PI4K2B: variants seen among roughly 807,000 people sequenced by gnomAD.
PI4K2B encodes the protein phosphatidylinositol 4-kinase type 2 beta.
In PI4K2B, 46 loss-of-function variants were observed where a neutral mutation model predicts 56.6. That is an observed-to-expected ratio of 0.81 (90% CI 0.64 to 1.04). PI4K2B has a LOEUF of 1.04. Among genes scored for constraint, PI4K2B ranks in the 50% least tolerant of loss-of-function variants. The pLI, the probability that PI4K2B is intolerant of heterozygous loss-of-function variation, is 0.00. For missense variants in PI4K2B, 556 were observed against 607.7 expected, an observed-to-expected ratio of 0.91 and a Z score of 0.89; for synonymous variants, 211 against 223.8, an observed-to-expected ratio of 0.94 and a Z score of 0.51.
chr4:25,236,077 C>CT (rs1348468974), intron 1 of PI4K2B, among the ~76,000 whole-genome samples: 4 of 152,152 alleles, frequency 2.6e-5, no homozygotes, highest in African/African-American at 7.2e-5. Context: ...GAATTCCTAC[C>CT]TTTTTTAAAG....
intron 1 of PI4K2B, among the ~76,000 whole-genome samples, chr4:25,245,427 G>A (rs1007991313): frequency 7.9e-5 from 12 of 152,130 alleles, no homozygotes; most frequent in African/African-American, 2.2e-4. Context: ...GGAGAGTTCC[G>A]CTCATGGCCG....
At chr4:25,255,671 C>G (rs990275765) in intron 3 of PI4K2B, among the ~76,000 whole-genome samples, 1 of 152,204 alleles carries the variant, frequency 6.6e-6, no homozygotes, top group African/African-American at 2.4e-5. Flanking sequence ...CTGTGTTGCC[C>G]AGACTGGCCT....
intron 7 of PI4K2B, among the ~76,000 whole-genome samples, chr4:25,268,205 C>G (rs1716736065): frequency 1.3e-5 from 2 of 152,190 alleles, no homozygotes; most frequent in Admixed American, 6.5e-5. Flanking sequence ...GAGATAGATT[C>G]ATTATCTAAA....
At chr4:25,249,864 C>T (rs955541043) in intron 1 of PI4K2B, among the ~76,000 whole-genome samples, 1 of 152,176 alleles carries the variant, frequency 6.6e-6, no homozygotes. Flanking sequence ...GAGGCCAAGG[C>T]AAGTGGCTGG....
At chr4:25,245,913 A>C (rs916716602) in intron 1 of PI4K2B, among the ~76,000 whole-genome samples, 3 of 152,048 alleles carry the variant, frequency 2.0e-5, no homozygotes, top group African/African-American at 7.2e-5. Context: ...GGGTCATCAA[A>C]ATGTGTCCGG....
At chr4:25,274,561 T>C (rs1717029121) in intron 9 of PI4K2B, among the ~76,000 whole-genome samples, 1 of 152,166 alleles carries the variant, frequency 6.6e-6, no homozygotes, top group African/African-American at 2.4e-5. Context: ...TTCATGTGGC[T>C]GCTTCTAGAA....
Position 25,241,391 on chromosome 4 carries a change from T to C in PI4K2B, c.268+6960T>C, listed in dbSNP as rs572959644. Among the ~76,000 whole-genome samples, 204 of 152,346 alleles carry C rather than the reference T, an allele frequency of 1.3e-3. 3 individuals carry two copies. Among genetic ancestry groups the C allele is most frequent in the Admixed American group, 2.7e-3 (41 of 15,302 alleles). On this transcript the variant is annotated intron_variant, in intron 1 of 9. Transcript: ENST00000264864. ...GTATATAGGTTAAGGTCAGGATTAG[T>C]TAAGGGGACTTCTAAGAGATCATCT...
chr4:25,234,748 T>G (rs1177794908), intron 1 of PI4K2B, among the ~76,000 whole-genome samples: 2 of 152,232 alleles, frequency 1.3e-5, no homozygotes, highest in Non-Finnish European at 2.9e-5. Context: ...ATGACGTAAG[T>G]CCTTGCTCAA....
At chr4:25,237,328 T>C (rs1326234778) in intron 1 of PI4K2B, among the ~76,000 whole-genome samples, 3 of 138,008 alleles carry the variant, frequency 2.2e-5, no homozygotes, top group African/African-American at 8.3e-5. Context: ...CCCTGTGATG[T>C]GAGTACTATT....
chr4:25,255,386 C>T (rs1716225749), intron 3 of PI4K2B, 121 bp downstream of exon 3: 1 of 773,350 alleles, frequency 1.3e-6, no homozygotes, highest in Non-Finnish European at 2.1e-6. Flanking sequence ...GGTAGTAGTC[C>T]AAGAGTCATG....
intron 1 of PI4K2B, among the ~76,000 whole-genome samples, chr4:25,249,049 C>G (rs1416864169): frequency 6.6e-6 from 1 of 152,144 alleles, no homozygotes; most frequent in Admixed American, 6.5e-5. Flanking sequence ...ATCTGTTTAA[C>G]AAAGCACATC....
rs574721000 is a variant in PI4K2B, at chr4:25,263,846, G to A, written c.1075G>A (p.Ala359Thr). The A allele has an allele frequency of 4.2e-5, 57 of 1,370,126 alleles. No individual in the cohort carries two copies. In the South Asian group the frequency reaches 5.1e-4, roughly 12 times the overall value. 84.9% of individuals were successfully genotyped at this position (1,370,126 alleles called of 1,614,324 possible). Reference sequence around the variant, plus strand: ...TTTTAAACATCCTGATGAATGGAGAGCATGTGAGTATTTAGAACCTTCTGT... The same window carrying A: ...TTTTAAACATCCTGATGAATGGAGAACATGTGAGTATTTAGAACCTTCTGT... ...FPFKHPDEWR[A>T]YPFHWAWLPQ... Residue 359 changes from alanine to threonine, a missense_variant, in exon 7 of 10, where the codon GCA becomes ACA. Coordinates refer to ENST00000264864, the MANE Select transcript of PI4K2B (RefSeq NM_018323.4).
chr4:25,255,023 A>C, intron 2 of PI4K2B, 42 bp from the exon 3 acceptor site: 1 of 1,278,898 alleles, frequency 7.8e-7, no homozygotes, highest in East Asian at 2.4e-5. Flanking sequence ...GATTATCTAT[A>C]TATGTAAAAA....
intron 5 of PI4K2B, 50 bp from the exon 6 acceptor site, chr4:25,260,474 C>G: frequency 1.4e-6 from 1 of 736,142 alleles, no homozygotes; most frequent in Non-Finnish European, 2.2e-6. Context: ...GATATTAAGC[C>G]ATGATGTCCA....
intron 7 of PI4K2B, chr4:25,267,727 A>G: frequency 1.0e-6 from 1 of 958,794 alleles, no homozygotes; most frequent in Non-Finnish European, 1.2e-6. Flanking sequence ...AAATCTCTCT[A>G]GTCCTGGCGT....
chr4:25,263,745 T>C lies in PI4K2B; in HGVS notation c.979-5T>C. ...TTATCAACATATCATTTTTCTACTC[T>C]ATAGGAATCAAAATGGATTGATGAT... On this transcript the variant is annotated splice_region_variant and splice_polypyrimidine_tract_variant and intron_variant, in intron 6 of 9. Coordinates refer to ENST00000264864, the MANE Select transcript of PI4K2B (RefSeq NM_018323.4). The C allele has an allele frequency of 9.0e-7, 1 of 1,108,878 alleles. No individual in the cohort carries two copies. Among genetic ancestry groups the C allele is most frequent in the African/African-American group, 1.5e-5 (1 of 65,182 alleles). 68.7% of individuals were successfully genotyped at this position (1,108,878 alleles called of 1,614,324 possible). A position where few individuals can be genotyped will look rare whatever the true frequency, so the allele number is the denominator to read the frequency against.
chr4:25,256,617 T>A lies in PI4K2B; in HGVS notation c.699T>A (p.Ala233=). ...DRAKSRGKKY[A]LEKVPKVGRK... ...CAAAATCAAGAGGCAAAAAGTATGC[T>A]TTAGAAAAAGTGCCAAAAGTGGGTA... The change falls in exon 4 of 10, where the codon GCT becomes GCA. Residue 233 remains alanine, a synonymous_variant. Coordinates refer to ENST00000264864, the MANE Select transcript of PI4K2B (RefSeq NM_018323.4). 6.2e-7 allele frequency: 1 copy of A among 1,613,910 alleles called. No individual in the cohort carries two copies. Among genetic ancestry groups the A allele is most frequent in the Non-Finnish European group, 8.5e-7 (1 of 1,179,882 alleles).
Position 25,255,077 on chromosome 4 carries a change from G to A in PI4K2B, c.436G>A (p.Val146Met), listed in dbSNP as rs763006391. The A allele has an allele frequency of 3.7e-6, 6 of 1,611,928 alleles. No homozygotes were observed. Among genetic ancestry groups the A allele is most frequent in the Middle Eastern group, 1.6e-4 (1 of 6,080 alleles). ...TTTTTTGCTCTAGAAAATTATTGGT[G>A]TGTTTAAACCCAAATCAGAAGAGCC... ...VKDPKRKIIG[V>M]FKPKSEEPYG... The change falls in exon 3 of 10, where the codon GTG becomes ATG. Residue 146 changes from valine (V) to methionine (M), a missense_variant. Transcript: ENST00000264864.
At chr4:25,276,745 G>A (rs1717110760) in intron 9 of PI4K2B, 1 of 985,132 alleles carries the variant, frequency 1.0e-6, no homozygotes, top group Admixed American at 6.2e-5. Flanking sequence ...GACATAGGCA[G>A]GATATTCTAG....
Sources: allele counts gnomAD v4.1 joint callset (sites outside exome capture counted in the v4.1 genomes callset), GRCh38; gene constraint gnomAD v4.1.1; transcripts MANE v1.5; gene names NCBI Gene and HGNC (gene_info 2026-07-23, HGNC 2026-07-21).